The following FTCDNL1 variants were observed in gnomAD, a reference collection of about 807,000 sequenced individuals.
FTCDNL1 encodes formiminotransferase N-terminal subdomain-containing protein.
A neutral mutation model predicts 5.9 loss-of-function variants in FTCDNL1; 11 were observed. The ratio of observed to expected loss-of-function variants is 1.87; its 90% confidence interval spans 1.18 to 3.10. The LOEUF (loss-of-function observed/expected upper bound fraction) is 3.10. Among genes scored for constraint, FTCDNL1 ranks in the 30% most tolerant of loss-of-function variants. The pLI, the probability that FTCDNL1 is intolerant of heterozygous loss-of-function variation, is 0.00. For synonymous variants in FTCDNL1, 58 were observed against 24.8 expected (o/e 2.34, Z -3.99); for missense variants, 115 against 65.5 (o/e 1.76, Z -2.61).
At chr2:199,828,873 G>A (rs1702191753) in intron 3 of FTCDNL1, among the ~76,000 whole-genome samples, 3 of 152,196 alleles carry the variant, frequency 2.0e-5, no homozygotes, top group Admixed American at 2.0e-4. Context: ...GGAGTAAGGA[G>A]TCACTCTGCT....
At chr2:199,764,722 G>T (rs976552485) in intron 3 of FTCDNL1, among the ~76,000 whole-genome samples, 1 of 152,164 alleles carries the variant, frequency 6.6e-6, no homozygotes, top group Non-Finnish European at 1.5e-5. Flanking sequence ...AGAATTACTA[G>T]AATGCTGTAA....
chr2:199,667,837 T>A, the FTCDNL1 span, among the ~76,000 whole-genome samples: 1 of 152,130 alleles, frequency 6.6e-6, no homozygotes, highest in Non-Finnish European at 1.5e-5. Flanking sequence ...GGCATAAGCC[T>A]CATAGTAAGT....
At chr2:199,796,208 TTTTGTGCAAGTTTATCAC>T (rs2106381752) in intron 3 of FTCDNL1, among the ~76,000 whole-genome samples, 1 of 152,328 alleles carries the variant, frequency 6.6e-6, no homozygotes, top group East Asian at 1.9e-4. Context: ...TGCTTAAAAA[TTTTGTGCAAGTTTATCAC>T]GGTGACAATA....
At chr2:199,843,724 G>A (rs780403955) in intron 3 of FTCDNL1, among the ~76,000 whole-genome samples, 26 of 152,136 alleles carry the variant, frequency 1.7e-4, no homozygotes, top group Non-Finnish European at 3.2e-4. Context: ...ATCCTAAGGC[G>A]GCTTTTTTTC....
At chr2:199,803,130 G>C (rs1043323718) in intron 3 of FTCDNL1, among the ~76,000 whole-genome samples, 2 of 147,798 alleles carry the variant, frequency 1.4e-5, no homozygotes, top group African/African-American at 2.5e-5. Context: ...GGAGATTGAG[G>C]CTGCAGTGAG....
the FTCDNL1 span, among the ~76,000 whole-genome samples, chr2:199,749,932 C>A: frequency 6.6e-6 from 1 of 151,568 alleles, no homozygotes. Context: ...GACATCACAG[C>A]GATGGACACC....
the FTCDNL1 span, among the ~76,000 whole-genome samples, chr2:199,738,986 G>A: frequency 2.1e-4 from 32 of 152,228 alleles, no homozygotes; most frequent in Middle Eastern, 3.4e-3. Flanking sequence ...TGTGACAGGC[G>A]TTGCAATAAA....
At chr2:199,780,382 G>A (rs554869660) in intron 3 of FTCDNL1, among the ~76,000 whole-genome samples, 1 of 152,318 alleles carries the variant, frequency 6.6e-6, no homozygotes, top group South Asian at 2.1e-4. Context: ...GACTCCTGCT[G>A]ATGGGAATCT....
downstream of FTCDNL1, chr2:199,760,471 A>C (rs1342125266): frequency 4.3e-6 from 1 of 233,860 alleles, no homozygotes; most frequent in East Asian, 9.2e-5. Flanking sequence ...TGTAAACCAA[A>C]CAAACACAAA....
chr2:199,707,851 T>C, the FTCDNL1 span, among the ~76,000 whole-genome samples: 9 of 152,136 alleles, frequency 5.9e-5, no homozygotes. Context: ...CACTATTTTT[T>C]TCTCCTCAAT....
chr2:199,774,039 G>A (rs1460305266), intron 3 of FTCDNL1, among the ~76,000 whole-genome samples: 1 of 152,160 alleles, frequency 6.6e-6, no homozygotes, highest in South Asian at 2.1e-4. Flanking sequence ...AGTCAGCTGG[G>A]AGTATTTGCA....
chr2:199,792,797 AC>A (rs1169351153), intron 3 of FTCDNL1, among the ~76,000 whole-genome samples: 1 of 152,060 alleles, frequency 6.6e-6, no homozygotes, highest in Non-Finnish European at 1.5e-5. Context: ...CACATGTGCA[AC>A]CTTTGTATCC....
At chr2:199,699,763 G>A in the FTCDNL1 span, among the ~76,000 whole-genome samples, 1 of 152,182 alleles carries the variant, frequency 6.6e-6, no homozygotes, top group African/African-American at 2.4e-5. Context: ...ATCAATAAAT[G>A]TGATTCATCA....
chr2:199,830,370 A>G (rs1702291205), intron 3 of FTCDNL1, among the ~76,000 whole-genome samples: 1 of 152,218 alleles, frequency 6.6e-6, no homozygotes, highest in South Asian at 2.1e-4. Context: ...ACTGCCTCTA[A>G]TTAAGTGCAG....
intron 2 of FTCDNL1, among the ~76,000 whole-genome samples, chr2:199,847,685 G>A (rs1201006698): frequency 6.6e-6 from 1 of 152,198 alleles, no homozygotes; most frequent in Non-Finnish European, 1.5e-5. Context: ...TAAAAACTGT[G>A]AGTTGAGACC....
At chr2:199,837,475 T>C (rs1702831788) in intron 3 of FTCDNL1, among the ~76,000 whole-genome samples, 1 of 152,236 alleles carries the variant, frequency 6.6e-6, no homozygotes, top group Admixed American at 6.5e-5. Context: ...AACACTGTTT[T>C]ATGAGACAAT....
chr2:199,686,149 A>G, the FTCDNL1 span, among the ~76,000 whole-genome samples: 3 of 152,236 alleles, frequency 2.0e-5, no homozygotes, highest in Admixed American at 6.5e-5. Flanking sequence ...GTGGGTGTGA[A>G]CAGAGATATG....
intron 2 of FTCDNL1, among the ~76,000 whole-genome samples, chr2:199,847,201 A>T (rs1402828397): frequency 6.6e-6 from 1 of 151,830 alleles, no homozygotes; most frequent in Non-Finnish European, 1.5e-5. Context: ...ATGTGCTCAC[A>T]TTGCTTAATT....
At chr2:199,749,293 T>A in the FTCDNL1 span, among the ~76,000 whole-genome samples, 1 of 152,162 alleles carries the variant, frequency 6.6e-6, no homozygotes, top group African/African-American at 2.4e-5. Context: ...AATGAATAGA[T>A]GTGTGGGAAT....
Sources: allele counts gnomAD v4.1 joint callset (sites outside exome capture counted in the v4.1 genomes callset), GRCh38; gene constraint gnomAD v4.1.1; transcripts MANE v1.5; gene names NCBI Gene and HGNC (gene_info 2026-07-23, HGNC 2026-07-21).